The following FAM171A1 variants were observed in gnomAD, a reference collection of about 807,000 sequenced individuals.
The protein encoded by FAM171A1 is protein FAM171A1.
In FAM171A1, 23 loss-of-function variants were observed where a neutral mutation model predicts 74.9. That is an observed-to-expected ratio of 0.31 (90% confidence interval 0.22 to 0.44). FAM171A1 has a LOEUF of 0.44. FAM171A1 is among the 20% of genes least tolerant of loss of function. The probability of loss-of-function intolerance (pLI) is 1.00; values close to 1 mark genes in which losing one functional copy is unlikely to be tolerated. For missense variants in FAM171A1, 1,162 were observed against 1,159.2 expected, an observed-to-expected ratio of 1.00 and a Z score of -0.03; for synonymous variants, 527 against 505.7, an observed-to-expected ratio of 1.04 and a Z score of -0.57.
At chr10:15,366,390 G>T (rs1177673160) in intron 1 of FAM171A1, among the ~76,000 whole-genome samples, 2 of 152,166 alleles carry the variant, frequency 1.3e-5, no homozygotes, top group East Asian at 3.8e-4. Flanking sequence ...AAAGTGCTGG[G>T]ATTACAGGCA....
At chr10:15,250,600 A>T (rs560033707) in intron 4 of FAM171A1, among the ~76,000 whole-genome samples, 1 of 152,298 alleles carries the variant, frequency 6.6e-6, no homozygotes, top group South Asian at 2.1e-4. Flanking sequence ...TGCACAAAAA[A>T]ATACAAAAAA....
rs1173712971 is a variant in FAM171A1, at chr10:15,234,492, C to T, written c.755-13432G>A. On this transcript the variant is annotated intron_variant, in intron 5 of 7. Coordinates refer to ENST00000378116, the MANE Select transcript of FAM171A1 (RefSeq NM_001010924.2). ...CTGGCAGAGGCTACAGCAAGAGGCTCGGGAACATTGGTTACAGAATGTTCT... is the reference window on the plus strand; with the variant it reads ...CTGGCAGAGGCTACAGCAAGAGGCTTGGGAACATTGGTTACAGAATGTTCT... Among the ~76,000 whole-genome samples the T allele has an allele frequency of 2.0e-5, 3 of 152,186 alleles. No individual in the cohort carries two copies. In the South Asian group the frequency reaches 6.2e-4, roughly 32 times the overall value.
chr10:15,231,811 G>A (rs1176022830), intron 5 of FAM171A1, among the ~76,000 whole-genome samples: 2 of 152,200 alleles, frequency 1.3e-5, no homozygotes, highest in African/African-American at 4.8e-5. Context: ...ATGGCTGGGT[G>A]TGGTGGCTCA....
At chr10:15,303,311 C>T (rs937835333) in intron 1 of FAM171A1, among the ~76,000 whole-genome samples, 2 of 152,210 alleles carry the variant, frequency 1.3e-5, no homozygotes, top group South Asian at 2.1e-4. Flanking sequence ...AAATCACACA[C>T]GATTGAAATT....
chr10:15,231,847 A>G (rs1244044353), intron 5 of FAM171A1, among the ~76,000 whole-genome samples: 2 of 152,164 alleles, frequency 1.3e-5, no homozygotes, highest in Non-Finnish European at 2.9e-5. Flanking sequence ...CACTTTGGGA[A>G]GCCTAGGTGG....
intron 1 of FAM171A1, among the ~76,000 whole-genome samples, chr10:15,289,150 G>A (rs114765496): frequency 0.059 from 8,910 of 152,010 alleles, 309 homozygotes; most frequent in Non-Finnish European, 0.074. Flanking sequence ...AGCCCACAGG[G>A]GCATCATCGT....
chr10:15,265,721 G>A (rs1027298634), intron 3 of FAM171A1, among the ~76,000 whole-genome samples: 1 of 150,402 alleles, frequency 6.6e-6, no homozygotes, highest in African/African-American at 2.5e-5. Context: ...GTCTACCATT[G>A]GCAGGCATAG....
intron 5 of FAM171A1, among the ~76,000 whole-genome samples, chr10:15,233,305 A>G (rs1413812380): frequency 2.3e-5 from 2 of 85,908 alleles, no homozygotes. Context: ...AAAAAAAAAC[A>G]AAAACAAAAA....
intron 3 of FAM171A1, among the ~76,000 whole-genome samples, chr10:15,258,559 T>C (rs1171612543): frequency 1.3e-5 from 2 of 152,226 alleles, no homozygotes; most frequent in African/African-American, 4.8e-5. Flanking sequence ...CTAACTCTGT[T>C]ATCCCCATAA....
Position 15,288,813 on chromosome 10 carries a change from CTTTT to C in FAM171A1, c.98-4712_98-4709del, listed in dbSNP as rs71505064. ...AAAATGTCAGTATGATTCGGTAATTCTTTTTTTTTTTTTTTTTTTTTTTTTTGAG... is the reference window on the plus strand; with the variant it reads ...AAAATGTCAGTATGATTCGGTAATTCTTTTTTTTTTTTTTTTTTTTTTGAG... On this transcript the variant is annotated intron_variant, in intron 1 of 7. Coordinates refer to ENST00000378116, the MANE Select transcript of FAM171A1 (RefSeq NM_001010924.2). 3.7e-4 allele frequency among the ~76,000 whole-genome samples: 27 copies of C among 73,690 alleles called. No individual in the cohort carries two copies. The South Asian group carries it at 4.2e-3, about 12-fold the overall frequency. The allele number at this position is 73,690 out of a possible 152,430, so 48.3% of individuals were successfully genotyped here.
At chr10:15,328,620 G>A (rs909323204) in intron 1 of FAM171A1, among the ~76,000 whole-genome samples, 1 of 152,224 alleles carries the variant, frequency 6.6e-6, no homozygotes, top group Non-Finnish European at 1.5e-5. Flanking sequence ...CTGAGCTGCA[G>A]TAGTGCAGGC....
At position 15,299,960 on chromosome 10, in the gene FAM171A1, T is replaced by TCAAACAAACAAA. The variant is rs3033566; in HGVS notation, c.98-15867_98-15856dup. Among the ~76,000 whole-genome samples the TCAAACAAACAAA allele has an allele frequency of 6.8e-4, 101 of 148,726 alleles. 1 individual carries two copies. The highest frequency in any genetic ancestry group is 2.2e-3 in the African/African-American group (90 of 40,258). ...CTGGGCAACAGAGTGAGACTCCATC[T>TCAAACAAACAAA]CAAACAAACAAACAAACAAACAAAC... On this transcript the variant is annotated intron_variant, in intron 1 of 7. Transcript: ENST00000378116.
At chr10:15,307,749 T>C (rs1835314351) in intron 1 of FAM171A1, among the ~76,000 whole-genome samples, 2 of 151,458 alleles carry the variant, frequency 1.3e-5, no homozygotes, top group Non-Finnish European at 2.9e-5. Flanking sequence ...TGATGTTTCC[T>C]TCCTAATCAA....
At chr10:15,354,065 T>C (rs527329403) in intron 1 of FAM171A1, among the ~76,000 whole-genome samples, 26 of 152,312 alleles carry the variant, frequency 1.7e-4, no homozygotes, top group African/African-American at 6.0e-4. Flanking sequence ...TTCTGGGACA[T>C]GGACAGCCCA....
At chr10:15,277,828 C>T (rs558722931) in intron 2 of FAM171A1, among the ~76,000 whole-genome samples, 11 of 152,200 alleles carry the variant, frequency 7.2e-5, no homozygotes, top group Non-Finnish European at 1.2e-4. Flanking sequence ...GCAATCTTGG[C>T]TCACTCCAGC....
intron 1 of FAM171A1, among the ~76,000 whole-genome samples, chr10:15,288,916 G>A (rs968582545): frequency 7.4e-6 from 1 of 135,572 alleles, no homozygotes; most frequent in Non-Finnish European, 1.5e-5. Context: ...TCCACTTCCC[G>A]GGTTCAAGCG....
chr10:15,364,731 G>A (rs1836038409), intron 1 of FAM171A1, among the ~76,000 whole-genome samples: 1 of 152,166 alleles, frequency 6.6e-6, no homozygotes, highest in Admixed American at 6.5e-5. Context: ...GGGTAAAATT[G>A]GTTTCCTTGC....
At chr10:15,330,713 C>CTTTTTT (rs898772126) in intron 1 of FAM171A1, among the ~76,000 whole-genome samples, 44 of 76,742 alleles carry the variant, frequency 5.7e-4, no homozygotes, top group Non-Finnish European at 7.2e-4. Flanking sequence ...TCTTCTTCTT[C>CTTTTTT]TTTTTTTTTT....
chr10:15,319,769 C>T (rs1432723049), intron 1 of FAM171A1, among the ~76,000 whole-genome samples: 2 of 152,052 alleles, frequency 1.3e-5, no homozygotes, highest in Non-Finnish European at 2.9e-5. Context: ...TCTCAAAAGT[C>T]GGGTGGAGGT....
Sources: gnomAD v4.1 joint callset for allele counts (sites outside exome capture counted in the v4.1 genomes callset) on GRCh38, gnomAD v4.1.1 for gene constraint, MANE v1.5 for transcripts, NCBI Gene and HGNC (gene_info 2026-07-23, HGNC 2026-07-21) for gene names.